OR2Y1: variants seen among roughly 807,000 people sequenced by gnomAD.
The protein encoded by OR2Y1 is olfactory receptor family 2 subfamily Y member 1, also known as olfactory receptor 2Y1.
For missense variants in OR2Y1, 412 were observed against 388.4 expected, an observed-to-expected ratio of 1.06 and a Z score of -0.51; for synonymous variants, 163 against 154.2, an observed-to-expected ratio of 1.06 and a Z score of -0.42.
chr5:180,739,441 C>A lies in OR2Y1; in HGVS notation c.618G>T (p.Val206=), dbSNP rs200262624. 65 of 1,614,104 alleles carry A rather than the reference C, an allele frequency of 4.0e-5. No homozygotes were observed. The highest frequency in any genetic ancestry group is 5.3e-5 in the Non-Finnish European group (62 of 1,180,058). ...AKMFVARVIV[V]AVPAALILGS... Reference sequence around the variant, plus strand: ...CTAGAATAAGTGCTGCAGGAACAGCCACGACTATGACTCGGGCCACAAACA... The same window carrying A: ...CTAGAATAAGTGCTGCAGGAACAGCAACGACTATGACTCGGGCCACAAACA... The change falls in exon 1 of 1, where the codon GTG becomes GTT. Residue 206 remains valine, a synonymous_variant. Coordinates refer to ENST00000307832, the MANE Select transcript of OR2Y1 (RefSeq NM_001001657.1).
rs10464105 is a variant in OR2Y1 at position 180,739,461 on chromosome 5, C to G, written c.598G>C (p.Val200Leu). The G allele has an allele frequency of 0.97, 1,567,829 of 1,614,198 alleles. 762,700 individuals carry two copies. Among genetic ancestry groups the G allele is most frequent in the East Asian group, 1 (44,877 of 44,880 alleles). ...ACAGCCACGACTATGACTCGGGCCACAAACATCTTGGCCTCTGTTCCTTCT... is the reference window on the plus strand; with the variant it reads ...ACAGCCACGACTATGACTCGGGCCAGAAACATCTTGGCCTCTGTTCCTTCT... Reference protein sequence around the residue: ...DTEGTEAKMFVARVIVVAVPA... With the variant: ...DTEGTEAKMFLARVIVVAVPA... The change falls in exon 1 of 1, where the codon GTG (valine) becomes CTG (leucine). Residue 200 changes from valine to leucine, a missense_variant. By Grantham distance (32) the Val-to-Leu change is conservative. Transcript: ENST00000307832.
In OR2Y1 at chr5:180,739,683, C is replaced by T; in HGVS notation, c.376G>A (p.Val126Ile). ...VVMAFDRYAA[V>I]CRPLHYMAIM... ...GCCATGTAGTGGAGTGGACGACAGACAGCAGCATAGCGGTCAAAGGCCATC... is the reference window on the plus strand; with the variant it reads ...GCCATGTAGTGGAGTGGACGACAGATAGCAGCATAGCGGTCAAAGGCCATC... The change falls in exon 1 of 1, where the codon GTC becomes ATC. Residue 126 changes from valine (V) to isoleucine (I), a missense_variant. Val to Ile is a conservative substitution (Grantham distance 29, BLOSUM62 3). Transcript: ENST00000307832. The T allele has an allele frequency of 1.2e-6, 2 of 1,614,236 alleles. No homozygotes were observed. Among genetic ancestry groups the T allele is most frequent in the Non-Finnish European group, 1.7e-6 (2 of 1,180,038 alleles).
rs773261550 is a variant in OR2Y1, at chr5:180,739,227, T to C, written c.832A>G (p.Thr278Ala). The C allele has an allele frequency of 1.3e-5, 21 of 1,613,960 alleles. No homozygotes were observed. In the East Asian group the frequency reaches 4.2e-4, roughly 33 times the overall value. ...GGATTGAGAATGGGGGTAATTATAG[T>C]ATAAAAAAGGGCAACAAATTTTCCC... Reference protein sequence around the residue: ...REGKFVALFYTIITPILNPLI... With the variant: ...REGKFVALFYAIITPILNPLI... The change falls in exon 1 of 1, where the codon ACT becomes GCT. Residue 278 changes from threonine (T) to alanine (A), a missense_variant. Coordinates refer to ENST00000307832, the MANE Select transcript of OR2Y1 (RefSeq NM_001001657.1).
chr5:180,739,798 C>T lies in OR2Y1; in HGVS notation c.261G>A (p.Gly87=), dbSNP rs1386513278. Residue 87 remains glycine, a synonymous_variant, in exon 1 of 1, where the codon GGG becomes GGA. Transcript: ENST00000307832. ...TVPQLLINLC[G]VDRTITRGGC... Reference sequence around the variant, plus strand: ...CTCCACGGGTGATGGTGCGGTCCACCCCGCAAAGGTTGATCAGGAGCTGGG... The same window carrying T: ...CTCCACGGGTGATGGTGCGGTCCACTCCGCAAAGGTTGATCAGGAGCTGGG... 5 of 1,614,056 alleles carry T rather than the reference C, an allele frequency of 3.1e-6. No homozygotes were observed. The highest frequency in any genetic ancestry group is 3.3e-5 in the Admixed American group (2 of 59,998).
In OR2Y1 at chr5:180,739,810, G is replaced by C; in HGVS notation, c.249C>G (p.Ile83Met). Residue 83 changes from isoleucine (I) to methionine (M), a missense_variant, in exon 1 of 1, where the codon ATC becomes ATG. By Grantham distance (10) the Ile-to-Met change is conservative. Transcript: ENST00000307832. ...TGGTGCGGTCCACCCCGCAAAGGTTGATCAGGAGCTGGGGCACGGTGCTGG... is the reference window on the plus strand; with the variant it reads ...TGGTGCGGTCCACCCCGCAAAGGTTCATCAGGAGCTGGGGCACGGTGCTGG... ...FTTSTVPQLL[I>M]NLCGVDRTIT... is the part of the protein sequence containing the mutation. 1 of 1,614,250 alleles carries C rather than the reference G, an allele frequency of 6.2e-7. No homozygotes were observed. The highest frequency in any genetic ancestry group is 8.5e-7 in the Non-Finnish European group (1 of 1,180,050).
chr5:180,739,609 A>C lies in OR2Y1; in HGVS notation c.450T>G (p.Gly150=). 1 of 1,614,114 alleles carries C rather than the reference A, an allele frequency of 6.2e-7. No individual in the cohort carries two copies. Among genetic ancestry groups the C allele is most frequent in the African/African-American group, 1.3e-5 (1 of 75,026 alleles). Residue 150 remains glycine, a synonymous_variant, in exon 1 of 1, where the codon GGT becomes GGG. Coordinates refer to ENST00000307832, the MANE Select transcript of OR2Y1 (RefSeq NM_001001657.1). ...GGATCAGAGAGTTCACGAAACCCGC[A>C]CCCCAGGAGGCGATAGCCAGGGTCT... ...LCQTLAIASW[G]AGFVNSLIQT...
In OR2Y1 at chr5:180,739,163, G is replaced by A; in HGVS notation, c.896C>T (p.Ala299Val). Reference protein sequence around the residue: ...YTLRNKDVKGALWKVLWRGRD... With the variant: ...YTLRNKDVKGVLWKVLWRGRD... ...GCCCCTCCATAGTACTTTCCACAGA[G>A]CCCCCTTCACGTCCTTGTTTCTTAG... Residue 299 changes from alanine (A) to valine (V), a missense_variant, in exon 1 of 1, where the codon GCT becomes GTT. Ala to Val is a moderately conservative substitution (Grantham distance 64). Transcript: ENST00000307832. 1.9e-6 allele frequency: 3 copies of A among 1,613,004 alleles called. No individual in the cohort carries two copies. Among genetic ancestry groups the A allele is most frequent in the Non-Finnish European group, 2.5e-6 (3 of 1,179,634 alleles).
In OR2Y1 at chr5:180,740,039, CTG is replaced by C; in HGVS notation, c.18_19del (p.Ser7PhefsTer2). On this transcript the variant is annotated frameshift_variant, in exon 1 of 1. Coordinates refer to ENST00000307832, the MANE Select transcript of OR2Y1 (RefSeq NM_001001657.1). LOFTEE classifies it low-confidence loss of function (END_TRUNC). ...CACCAAAATGAAGCCATCTTCAAAA[CTG>C]GTGTTGAAACTTCCCATGGCCTTTT... 1 of 1,611,990 alleles carries C rather than the reference CTG, an allele frequency of 6.2e-7. No individual in the cohort carries two copies. Among genetic ancestry groups the C allele is most frequent in the Non-Finnish European group, 8.5e-7 (1 of 1,179,826 alleles).
chr5:180,739,240 A>G lies in OR2Y1; in HGVS notation c.819T>C (p.Val273=). The change falls in exon 1 of 1, where the codon GTT becomes GTC. Residue 273 remains valine, a synonymous_variant. Coordinates refer to ENST00000307832, the MANE Select transcript of OR2Y1 (RefSeq NM_001001657.1). ...HNYSEREGKF[V]ALFYTIITPI... ...GGGTAATTATAGTATAAAAAAGGGC[A>G]ACAAATTTTCCCTCACGCTCAGAAT... The G allele has an allele frequency of 6.2e-7, 1 of 1,614,178 alleles. No homozygotes were observed. The highest frequency in any genetic ancestry group is 1.1e-5 in the South Asian group (1 of 91,084).
Position 180,739,493 on chromosome 5 carries a change from G to T in OR2Y1, c.566C>A (p.Ala189Glu). The T allele has an allele frequency of 1.2e-6, 2 of 1,614,230 alleles. No homozygotes were observed. Among genetic ancestry groups the T allele is most frequent in the East Asian group, 2.2e-5 (1 of 44,882 alleles). The change falls in exon 1 of 1, where the codon GCG becomes GAG. Residue 189 changes from alanine to glutamate, a missense_variant. By Grantham distance (107) the Ala-to-Glu change is moderately radical. Coordinates refer to ENST00000307832, the MANE Select transcript of OR2Y1 (RefSeq NM_001001657.1). ...EMPVFLKLAC[A>E]DTEGTEAKMF... ...CTTGGCCTCTGTTCCTTCTGTGTCC[G>T]CACAAGCCAACTTCAGAAATACAGG...
rs2113077307 is a variant in OR2Y1, at chr5:180,739,918, A to G, written c.141T>C (p.Ala47=). 1.2e-6 allele frequency: 2 copies of G among 1,614,218 alleles called. No individual in the cohort carries two copies. The highest frequency in any genetic ancestry group is 4.5e-5 in the East Asian group (2 of 44,892). The part of the protein sequence containing the change: ...LTLFGNTIII[A]LSWLDLRLHT... The stretch of plus-strand genomic sequence containing the variant: ...GCAGCCGAAGGTCTAGCCAGGAGAG[A>G]GCGATGATGATGGTGTTGCCAAAGA... The change falls in exon 1 of 1, where the codon GCT becomes GCC. Residue 47 remains alanine, a synonymous_variant. Coordinates refer to ENST00000307832, the MANE Select transcript of OR2Y1 (RefSeq NM_001001657.1).
rs1038889429 is a variant in OR2Y1, at chr5:180,739,398, C to G, written c.661G>C (p.Ala221Pro). 3.5e-5 allele frequency: 56 copies of G among 1,614,090 alleles called. No homozygotes were observed. Among genetic ancestry groups the G allele is most frequent in the Non-Finnish European group, 4.7e-5 (56 of 1,180,058 alleles). ...ALILGSYVHI[A>P]HAVLRVKSTA... ...GACTTCACCCTCAGCACTGCATGAG[C>G]AATGTGCACATAGGAGCCTAGAATA... The change falls in exon 1 of 1, where the codon GCT becomes CCT. Residue 221 changes from alanine to proline, a missense_variant. Physicochemically the swap from Ala to Pro is conservative, Grantham distance 27. Transcript: ENST00000307832.
At position 180,739,736 on chromosome 5, in the gene OR2Y1, C is replaced by T. The variant is rs1398353881; in HGVS notation, c.323G>A (p.Gly108Asp). Residue 108 changes from glycine to aspartate, a missense_variant, in exon 1 of 1, where the codon GGC becomes GAC. Transcript: ENST00000307832. ...CACCAGGAGCACACACTCTGTGGAGCCCAGGGCTAGGTAGATGAAGAGCTG... is the reference window on the plus strand; with the variant it reads ...CACCAGGAGCACACACTCTGTGGAGTCCAGGGCTAGGTAGATGAAGAGCTG... ...VAQLFIYLALGSTECVLLVVM... is the reference protein window; with the variant it reads ...VAQLFIYLALDSTECVLLVVM... The T allele has an allele frequency of 2.5e-6, 4 of 1,614,062 alleles. No individual in the cohort carries two copies. Among genetic ancestry groups the T allele is most frequent in the East Asian group, 2.2e-5 (1 of 44,894 alleles).
In OR2Y1 at chr5:180,739,475, T is replaced by C; in HGVS notation, c.584A>G (p.Glu195Gly). 1 of 1,614,240 alleles carries C rather than the reference T, an allele frequency of 6.2e-7. No homozygotes were observed. The highest frequency in any genetic ancestry group is 8.5e-7 in the Non-Finnish European group (1 of 1,180,036). ...GACTCGGGCCACAAACATCTTGGCC[T>C]CTGTTCCTTCTGTGTCCGCACAAGC... Reference protein sequence around the residue: ...KLACADTEGTEAKMFVARVIV... With the variant: ...KLACADTEGTGAKMFVARVIV... Residue 195 changes from glutamate (E) to glycine (G), a missense_variant, in exon 1 of 1, where the codon GAG becomes GGG. Transcript: ENST00000307832.
Position 180,739,879 on chromosome 5 carries a change from G to A in OR2Y1, c.180C>T (p.Tyr60=), listed in dbSNP as rs1308555355. ...WLDLRLHTPM[Y]FFLSHLSLLD... ...GGAGGGACAGATGAGAGAGAAAGAAGTACATAGGTGTGTGCAGCCGAAGGT... is the reference window on the plus strand; with the variant it reads ...GGAGGGACAGATGAGAGAGAAAGAAATACATAGGTGTGTGCAGCCGAAGGT... Residue 60 remains tyrosine (Y), a synonymous_variant, in exon 1 of 1, where the codon TAC becomes TAT. Coordinates refer to ENST00000307832, the MANE Select transcript of OR2Y1 (RefSeq NM_001001657.1). The A allele has an allele frequency of 7.4e-6, 12 of 1,614,120 alleles. No homozygotes were observed. Among genetic ancestry groups the A allele is most frequent in the East Asian group, 4.5e-5 (2 of 44,896 alleles).
chr5:180,739,307 TA>T lies in OR2Y1; in HGVS notation c.751del (p.Tyr251MetfsTer29). On this transcript the variant is annotated frameshift_variant, in exon 1 of 1. Transcript: ENST00000307832. LOFTEE classifies it low-confidence loss of function (END_TRUNC). ...GAGATATGTGTAGATGGCTGAGCCA[TA>T]AAAAAGGAAAACTACTAGGAGGTGG... is the stretch of plus-strand genomic sequence containing the variant. The part of the protein sequence containing the change: ...GSHLLVVFLF[Y>X]GSAIYTYLQS... The T allele has an allele frequency of 6.2e-7, 1 of 1,612,914 alleles. No homozygotes were observed.
rs1340141840 is a variant in OR2Y1 at position 180,739,687 on chromosome 5, A to T, written c.372T>A (p.Ala124=). The T allele has an allele frequency of 1.9e-6, 3 of 1,614,148 alleles. No individual in the cohort carries two copies. The highest frequency in any genetic ancestry group is 3.3e-5 in the Admixed American group (2 of 60,018). ...LLVVMAFDRY[A]AVCRPLHYMA... Reference sequence around the variant, plus strand: ...TGTAGTGGAGTGGACGACAGACAGCAGCATAGCGGTCAAAGGCCATCACCA... The same window carrying T: ...TGTAGTGGAGTGGACGACAGACAGCTGCATAGCGGTCAAAGGCCATCACCA... The change falls in exon 1 of 1, where the codon GCT becomes GCA. Residue 124 remains alanine, a synonymous_variant. Transcript: ENST00000307832.
In OR2Y1 at chr5:180,739,197, T is replaced by C. The variant is rs772113415; in HGVS notation, c.862A>G (p.Ile288Val). The C allele has an allele frequency of 1.2e-6, 2 of 1,614,020 alleles. No homozygotes were observed. The highest frequency in any genetic ancestry group is 1.7e-6 in the Non-Finnish European group (2 of 1,179,984). The change falls in exon 1 of 1, where the codon ATT becomes GTT. Residue 288 changes from isoleucine (I) to valine (V), a missense_variant. Ile to Val is a conservative substitution (Grantham distance 29). Coordinates refer to ENST00000307832, the MANE Select transcript of OR2Y1 (RefSeq NM_001001657.1). ...TIITPILNPL[I>V]YTLRNKDVKG... ...ACGTCCTTGTTTCTTAGTGTATAAA[T>C]GAGAGGATTGAGAATGGGGGTAATT...
In OR2Y1 at chr5:180,739,540, C is replaced by T; in HGVS notation, c.519G>A (p.Leu173=). 2 of 1,614,268 alleles carry T rather than the reference C, an allele frequency of 1.2e-6. No individual in the cohort carries two copies. Among genetic ancestry groups the T allele is most frequent in the Non-Finnish European group, 1.7e-6 (2 of 1,180,050 alleles). ...CAGGCATCTCACAGAAGAAGTGATT[C>T]AGTCGATGGCCACAGAGAGGCATGG... is the stretch of plus-strand genomic sequence containing the variant. ...AMAMPLCGHR[L]NHFFCEMPVF... Residue 173 remains leucine (L), a synonymous_variant, in exon 1 of 1, where the codon CTG becomes CTA. Coordinates refer to ENST00000307832, the MANE Select transcript of OR2Y1 (RefSeq NM_001001657.1).
Sources: gnomAD v4.1 joint callset for allele counts on GRCh38, gnomAD v4.1.1 for gene constraint, MANE v1.5 for transcripts, NCBI Gene and HGNC (gene_info 2026-07-23, HGNC 2026-07-21) for gene names.